The following CDK13 variants were observed in gnomAD, a reference collection of about 807,000 sequenced individuals.
The protein encoded by CDK13 is cyclin dependent kinase 13.
Under a neutral mutation model 137.6 loss-of-function variants are expected in CDK13, and 40 were observed. The observed-to-expected ratio is 0.29, with a 90% CI of 0.23 to 0.38. CDK13 has a LOEUF of 0.38. CDK13 is among the 10% of genes least tolerant of loss of function. The pLI is 1.00. For missense variants in CDK13, 1,704 were observed against 1,951.8 expected, an observed-to-expected ratio of 0.87 and a Z score of 2.39; for synonymous variants, 869 against 760.1, an observed-to-expected ratio of 1.14 and a Z score of -2.36.
At chr7:40,023,803 A>G (rs1337344243) in intron 5 of CDK13, among the ~76,000 whole-genome samples, 1 of 152,132 alleles carries the variant, frequency 6.6e-6, no homozygotes, top group African/African-American at 2.4e-5. Flanking sequence ...ATCTCTTAAT[A>G]CTAAAACTGC....
rs557252330 is a variant in CDK13 at position 40,081,870 on chromosome 7, C to T, written c.3029+3019C>T. ...CAGGTGATCCGCCTGCCTTGGCCTC[C>T]CAAAGTGCTGGGATTACAGGTGTGA... On this transcript the variant is annotated intron_variant, in intron 11 of 13. Coordinates refer to ENST00000181839, the MANE Select transcript of CDK13 (RefSeq NM_003718.5). Among the ~76,000 whole-genome samples, 23 of 152,190 alleles carry T rather than the reference C, an allele frequency of 1.5e-4. No individual in the cohort carries two copies. In the South Asian group the frequency reaches 4.8e-3, roughly 32 times the overall value.
At chr7:39,968,563 GT>G (rs1783923060) in intron 1 of CDK13, among the ~76,000 whole-genome samples, 1 of 152,212 alleles carries the variant, frequency 6.6e-6, no homozygotes, top group Non-Finnish European at 1.5e-5. Flanking sequence ...TGAAGAGGCT[GT>G]CCTTTTCTTA....
intron 5 of CDK13, among the ~76,000 whole-genome samples, chr7:40,021,110 TATATATATATATACACAC>T (rs1785111031): frequency 2.4e-5 from 2 of 81,948 alleles, no homozygotes; most frequent in South Asian, 3.4e-4. Flanking sequence ...AACGTATATA[TATATATATATATACACAC>T]ACACACACAC....
rs1038228499 is a variant in CDK13 at position 40,094,448 on chromosome 7, A to G, written c.4007A>G (p.Lys1336Arg). The part of the protein sequence containing the change: ...GDTYVSTSDY[K>R]DNFGSSSFSS... ...ACTTACGTGTCCACTTCAGACTACA[A>G]GGACAACTTTGGATCCTCTTCTTTC... Residue 1336 changes from lysine to arginine, a missense_variant, in exon 14 of 14, where the codon AAG becomes AGG. Coordinates refer to ENST00000181839, the MANE Select transcript of CDK13 (RefSeq NM_003718.5). The G allele has an allele frequency of 6.2e-7, 1 of 1,613,982 alleles. No individual in the cohort carries two copies. The highest frequency in any genetic ancestry group is 1.3e-5 in the African/African-American group (1 of 75,046).
At chr7:40,009,256 G>A (rs1159152392) in intron 5 of CDK13, among the ~76,000 whole-genome samples, 1 of 152,228 alleles carries the variant, frequency 6.6e-6, no homozygotes, top group Non-Finnish European at 1.5e-5. Flanking sequence ...ATGGCATAAT[G>A]TCACTTGGGT....
At chr7:40,059,464 A>G (rs954824348) in intron 7 of CDK13, among the ~76,000 whole-genome samples, 19 of 152,306 alleles carry the variant, frequency 1.2e-4, no homozygotes, top group African/African-American at 2.9e-4. Flanking sequence ...GGTTTAAGCA[A>G]TTCTCTGCCT....
Position 39,989,363 on chromosome 7 carries a change from T to C in CDK13, c.1871+1105T>C, listed in dbSNP as rs529615570. On this transcript the variant is annotated intron_variant, in intron 2 of 13. Coordinates refer to ENST00000181839, the MANE Select transcript of CDK13 (RefSeq NM_003718.5). ...AGCTTCCACCCCCTCCCACTCCCCA[T>C]TAAAAAGCAACTATATGAGTAGTTT... 1.3e-4 allele frequency among the ~76,000 whole-genome samples: 19 copies of C among 151,714 alleles called. No homozygotes were observed. In the South Asian group the frequency reaches 2.5e-3, roughly 20 times the overall value.
rs150235453 is a variant in CDK13 at position 40,094,329 on chromosome 7, C to T, written c.3888C>T (p.Ala1296=). Residue 1296 remains alanine, a synonymous_variant, in exon 14 of 14, where the codon GCC becomes GCT. Coordinates refer to ENST00000181839, the MANE Select transcript of CDK13 (RefSeq NM_003718.5). ...GTTCTTCATTAACTGACCCTCATGCCGGAGTGAAGGCAGCCCTGTTACAGC... is the reference window on the plus strand; with the variant it reads ...GTTCTTCATTAACTGACCCTCATGCTGGAGTGAAGGCAGCCCTGTTACAGC... ...TTSSSLTDPH[A]GVKAALLQLL... 5.7e-4 allele frequency: 923 copies of T among 1,613,496 alleles called. No individual in the cohort carries two copies. The highest frequency in any genetic ancestry group is 7.1e-4 in the Non-Finnish European group (841 of 1,179,776).
At chr7:40,042,524 G>A (rs542771264) in intron 5 of CDK13, among the ~76,000 whole-genome samples, 137 of 130,486 alleles carry the variant, frequency 1.0e-3, no homozygotes, top group Non-Finnish European at 1.8e-3. Flanking sequence ...TATCACCCGG[G>A]CTGGAGTGCA....
At chr7:40,033,312 G>A (rs1323073176) in intron 5 of CDK13, among the ~76,000 whole-genome samples, 2 of 151,956 alleles carry the variant, frequency 1.3e-5, no homozygotes, top group Non-Finnish European at 2.9e-5. Flanking sequence ...TTTGCATTTT[G>A]CCCACCTTTT....
chr7:39,975,932 A>T (rs1302385326), intron 1 of CDK13, among the ~76,000 whole-genome samples: 1 of 152,230 alleles, frequency 6.6e-6, no homozygotes, highest in Non-Finnish European at 1.5e-5. Context: ...CATAAAATAC[A>T]AGCCAACCTG....
At chr7:40,001,590 A>G in intron 4 of CDK13, among the ~76,000 whole-genome samples, 1 of 152,124 alleles carries the variant, frequency 6.6e-6, no homozygotes. Context: ...TAAATATATA[A>G]ATGGGGAGCA....
chr7:40,075,750 T>G (rs13235657), intron 9 of CDK13, among the ~76,000 whole-genome samples: 4,170 of 152,272 alleles, frequency 0.027, 85 homozygotes, highest in Non-Finnish European at 0.037. Flanking sequence ...GGCCCATGCT[T>G]GTAATCCCAA....
intron 5 of CDK13, among the ~76,000 whole-genome samples, chr7:40,015,630 C>T (rs1425516368): frequency 2.0e-5 from 3 of 151,894 alleles, no homozygotes; most frequent in Non-Finnish European, 2.9e-5. Context: ...ATTATTAATA[C>T]AATAATTATT....
chr7:40,019,205 C>T (rs1222934458), intron 5 of CDK13, among the ~76,000 whole-genome samples: 1 of 152,024 alleles, frequency 6.6e-6, no homozygotes, highest in Non-Finnish European at 1.5e-5. Flanking sequence ...TAATAGTAGC[C>T]ACAGTCTTAA....
chr7:40,083,061 C>G (rs998275001), intron 11 of CDK13, among the ~76,000 whole-genome samples: 19 of 150,804 alleles, frequency 1.3e-4, no homozygotes, highest in Non-Finnish European at 5.9e-5. Context: ...CGAGATCGCG[C>G]CACTGCGCTC....
intron 9 of CDK13, chr7:40,069,340 A>G: frequency 2.2e-6 from 1 of 456,076 alleles, no homozygotes; most frequent in Non-Finnish European, 4.4e-6. Flanking sequence ...CTGATAAACA[A>G]ATCTGACTAT....
At chr7:39,955,311 G>T (rs1787374766) in intron 1 of CDK13, among the ~76,000 whole-genome samples, 1 of 152,130 alleles carries the variant, frequency 6.6e-6, no homozygotes, top group Non-Finnish European at 1.5e-5. Flanking sequence ...GCTCTAAAAG[G>T]TTTTAAGCGA....
chr7:40,076,150 T>C (rs1786539966), intron 9 of CDK13, among the ~76,000 whole-genome samples: 2 of 152,210 alleles, frequency 1.3e-5, no homozygotes, highest in Admixed American at 1.3e-4. Flanking sequence ...CAGTATGCTT[T>C]ATACTTCTAT....
Sources: allele counts gnomAD v4.1 joint callset (sites outside exome capture counted in the v4.1 genomes callset), GRCh38; gene constraint gnomAD v4.1.1; transcripts MANE v1.5; gene names NCBI Gene and HGNC (gene_info 2026-07-23, HGNC 2026-07-21).